WDR25: variants seen among roughly 807,000 people sequenced by gnomAD.
WDR25 encodes WD repeat-containing protein 25.
In WDR25, 35 loss-of-function variants were observed where a neutral mutation model predicts 47.7. The observed-to-expected ratio is 0.73, with a 90% CI of 0.56 to 0.97. WDR25 has a LOEUF of 0.97. Among genes scored for constraint, WDR25 ranks in the 50% least tolerant of loss-of-function variants. WDR25 has a pLI of 0.00. For synonymous variants in WDR25, 248 were observed against 278.9 expected, an observed-to-expected ratio of 0.89 and a Z score of 1.10; for missense variants, 634 against 704.7, an observed-to-expected ratio of 0.90 and a Z score of 1.14.
At chr14:100,411,279 A>C (rs1227174373) in intron 2 of WDR25, among the ~76,000 whole-genome samples, 1 of 152,058 alleles carries the variant, frequency 6.6e-6, no homozygotes, top group Admixed American at 6.5e-5. Context: ...CTGTTTCCCC[A>C]TGTGTAAAAC....
chr14:100,495,507 G>A (rs573127424), intron 4 of WDR25, among the ~76,000 whole-genome samples: 48 of 152,334 alleles, frequency 3.2e-4, no homozygotes, highest in Middle Eastern at 6.8e-3. Context: ...GGCCACTGAT[G>A]ATCAGGTCTT....
chr14:100,394,431 G>A (rs1329995924), intron 2 of WDR25, among the ~76,000 whole-genome samples: 2 of 152,166 alleles, frequency 1.3e-5, no homozygotes, highest in African/African-American at 2.4e-5. Context: ...TGCTGTCTCT[G>A]CTGTGAGCAG....
intron 4 of WDR25, among the ~76,000 whole-genome samples, chr14:100,517,114 T>TG (rs1901528500): frequency 7.0e-6 from 1 of 143,212 alleles, no homozygotes; most frequent in African/African-American, 2.6e-5. Context: ...CTGTTTTTTT[T>TG]TTTTTTTTTT....
chr14:100,526,181 T>C, intron 5 of WDR25, 141 bp downstream of exon 5: 1 of 1,078,182 alleles, frequency 9.3e-7, no homozygotes, highest in Non-Finnish European at 1.3e-6. Context: ...TAGTCAGGTC[T>C]CAGCCTGCCG....
rs1033598937 is a variant in WDR25, at chr14:100,522,547, C to T, written c.1102-3323C>T. 1.3e-4 allele frequency among the ~76,000 whole-genome samples: 20 copies of T among 152,198 alleles called. 1 individual carries two copies. The highest frequency in any genetic ancestry group is 4.8e-4 in the African/African-American group (20 of 41,516). ...CAATGCATTTATTATTGAGAGTTGC[C>T]CAAGAACTCACAGCTCCATCCTAGG... On this transcript the variant is annotated intron_variant, in intron 4 of 6. Coordinates refer to ENST00000402312, the MANE Select transcript of WDR25 (RefSeq NM_001161476.3).
At chr14:100,474,282 AAATCAAATG>A (rs1899945548) in intron 3 of WDR25, among the ~76,000 whole-genome samples, 1 of 152,232 alleles carries the variant, frequency 6.6e-6, no homozygotes, top group Non-Finnish European at 1.5e-5. Flanking sequence ...TACGGATATT[AAATCAAATG>A]TTATTAAACT....
intron 4 of WDR25, among the ~76,000 whole-genome samples, chr14:100,524,992 A>G (rs1376987119): frequency 6.6e-6 from 1 of 152,260 alleles, no homozygotes; most frequent in Non-Finnish European, 1.5e-5. Flanking sequence ...GGCGGGGCCC[A>G]GGGACTGAAC....
intron 2 of WDR25, among the ~76,000 whole-genome samples, chr14:100,394,205 C>A (rs1164187567): frequency 6.6e-6 from 1 of 152,170 alleles, no homozygotes; most frequent in Non-Finnish European, 1.5e-5. Flanking sequence ...ATCAAATAAT[C>A]CGGTGCGCAC....
In WDR25 at chr14:100,525,027, G is replaced by A. The variant is rs1472818308; in HGVS notation, c.1102-843G>A. 1.3e-5 allele frequency among the ~76,000 whole-genome samples: 2 copies of A among 152,238 alleles called. No homozygotes were observed. The highest frequency in any genetic ancestry group is 2.4e-5 in the African/African-American group (1 of 41,460). ...CTGTTTATGCTGCAGCCACATGGTG[G>A]CGGCCCAGGAACTGGTAAAGGGACC... On this transcript the variant is annotated intron_variant, in intron 4 of 6. Coordinates refer to ENST00000402312, the MANE Select transcript of WDR25 (RefSeq NM_001161476.3). This position sits in a 1 kb window ranked among gnomAD's most constrained non-coding sequence, Gnocchi z 4.6.
chr14:100,382,343 C>T (rs1218537793), intron 2 of WDR25, among the ~76,000 whole-genome samples: 3 of 152,060 alleles, frequency 2.0e-5, no homozygotes, highest in Non-Finnish European at 2.9e-5. Context: ...GGGGAAGGTT[C>T]GCTTGGGGAT....
chr14:100,491,122 C>T (rs538123907), intron 4 of WDR25, among the ~76,000 whole-genome samples: 5 of 152,348 alleles, frequency 3.3e-5, no homozygotes, highest in South Asian at 2.1e-4. Flanking sequence ...CAGTGTGCCT[C>T]CTGCAGGCAT....
chr14:100,529,390 C>T lies in WDR25; in HGVS notation c.1413+182C>T. The T allele has an allele frequency of 1.1e-6, 1 of 913,902 alleles. No homozygotes were observed. Among genetic ancestry groups the T allele is most frequent in the Non-Finnish European group, 1.6e-6 (1 of 614,388 alleles). The allele number at this position is 913,902 out of a possible 1,614,324, so 56.6% of individuals were successfully genotyped here. On this transcript the variant is annotated intron_variant, in intron 6 of 6. Transcript: ENST00000402312. The surrounding 1 kb of genome is among the most constrained non-coding windows in gnomAD (Gnocchi z 5.1). ...TCAAGTCCCTGAACCACATCTGGTCCTCACCCCAGGCCCCACGTACTGGGC... is the reference window on the plus strand; with the variant it reads ...TCAAGTCCCTGAACCACATCTGGTCTTCACCCCAGGCCCCACGTACTGGGC...
intron 3 of WDR25, among the ~76,000 whole-genome samples, chr14:100,473,491 C>T (rs908727133): frequency 1.3e-5 from 2 of 152,202 alleles, no homozygotes; most frequent in African/African-American, 4.8e-5. Flanking sequence ...GGGGAGCCTG[C>T]TGGGCAGCAG....
At chr14:100,442,840 C>T (rs1171651867) in intron 2 of WDR25, among the ~76,000 whole-genome samples, 1 of 152,224 alleles carries the variant, frequency 6.6e-6, no homozygotes. Flanking sequence ...TAAATGGAGG[C>T]CATGTCTGAA....
chr14:100,412,657 G>A (rs984488849), intron 2 of WDR25, among the ~76,000 whole-genome samples: 2 of 152,032 alleles, frequency 1.3e-5, no homozygotes, highest in Non-Finnish European at 2.9e-5. Flanking sequence ...TAATCTTCTT[G>A]TTGGGAAAAT....
chr14:100,438,386 T>G (rs900292897), intron 2 of WDR25, among the ~76,000 whole-genome samples: 2 of 152,262 alleles, frequency 1.3e-5, no homozygotes, highest in Non-Finnish European at 2.9e-5. Context: ...AGAAAATGCG[T>G]TCATTGGCAG....
intron 4 of WDR25, among the ~76,000 whole-genome samples, chr14:100,513,336 C>A (rs866371403): frequency 1.3e-5 from 2 of 152,060 alleles, no homozygotes; most frequent in Non-Finnish European, 1.5e-5. Context: ...CAAGGTGGGC[C>A]CTTTTTTACT....
At chr14:100,437,607 C>T (rs1398481041) in intron 2 of WDR25, among the ~76,000 whole-genome samples, 1 of 152,140 alleles carries the variant, frequency 6.6e-6, no homozygotes, top group Non-Finnish European at 1.5e-5. Flanking sequence ...ATGTGTCCAG[C>T]ACCCAGACAC....
At chr14:100,463,809 G>A (rs948036104) in intron 2 of WDR25, among the ~76,000 whole-genome samples, 2 of 152,088 alleles carry the variant, frequency 1.3e-5, no homozygotes, top group Non-Finnish European at 2.9e-5. Context: ...CAGGAACTGC[G>A]AATGTGTCCT....
Sources: gnomAD v4.1 joint callset for allele counts (sites outside exome capture counted in the v4.1 genomes callset) on GRCh38, gnomAD v4.1.1 for gene constraint, Gnocchi (gnomAD v3.1) non-coding constraint, MANE v1.5 for transcripts, NCBI Gene and HGNC (gene_info 2026-07-23, HGNC 2026-07-21) for gene names.